Variants in SLC26A7 observed in about 807,000 individuals in gnomAD.
SLC26A7 encodes the protein anion exchange transporter.
SLC26A7 carries 59 observed loss-of-function variants against 82.5 expected under a neutral mutation model. The observed-to-expected ratio is 0.72, with a 90% CI of 0.58 to 0.89. The LOEUF (loss-of-function observed/expected upper bound fraction) is 0.89, where lower values mean the gene tolerates loss of function less well. Among genes scored for constraint, SLC26A7 ranks in the 40% least tolerant of loss-of-function variants. The pLI is 0.00. For synonymous variants in SLC26A7, 271 were observed against 274.3 expected, an observed-to-expected ratio of 0.99 and a Z score of 0.12; for missense variants, 820 against 793.0, an observed-to-expected ratio of 1.03 and a Z score of -0.41.
upstream of SLC26A7, among the ~76,000 whole-genome samples, chr8:91,245,552 A>T (rs1810533689): frequency 6.6e-6 from 1 of 152,086 alleles, no homozygotes; most frequent in Non-Finnish European, 1.5e-5. Flanking sequence ...CTTCTTAGAA[A>T]TGCTGTAGAT....
At chr8:91,252,608 C>A (rs1810689808) in intron 2 of SLC26A7, among the ~76,000 whole-genome samples, 1 of 152,042 alleles carries the variant, frequency 6.6e-6, no homozygotes. Flanking sequence ...CTGGCCTTCA[C>A]TAAAAGCATA....
chr8:91,368,936 A>C (rs1197875307), intron 14 of SLC26A7, among the ~76,000 whole-genome samples: 1 of 152,224 alleles, frequency 6.6e-6, no homozygotes, highest in Non-Finnish European at 1.5e-5. Context: ...TCAGGCTTAA[A>C]ATACATACGC....
In SLC26A7 at chr8:91,366,671, T is replaced by G. The variant is rs1481690859; in HGVS notation, c.1580T>G (p.Ile527Ser). 29 of 1,613,526 alleles carry G rather than the reference T, an allele frequency of 1.8e-5. No homozygotes were observed. The highest frequency in any genetic ancestry group is 2.5e-5 in the Non-Finnish European group (29 of 1,179,824). Reference protein sequence around the residue: ...KKFYTDLMNMIQKENACNQPL... With the variant: ...KKFYTDLMNMSQKENACNQPL... Reference sequence around the variant, plus strand: ...TTTTATACTGATTTAATGAACATGATCCAAAAGGAAAATGCCTGTAATCAG... The same window carrying G: ...TTTTATACTGATTTAATGAACATGAGCCAAAAGGAAAATGCCTGTAATCAG... Residue 527 changes from isoleucine (I) to serine (S), a missense_variant, in exon 14 of 19, where the codon ATC (isoleucine) becomes AGC (serine). Ile to Ser is a moderately radical substitution (Grantham distance 142). Coordinates refer to ENST00000276609, the MANE Select transcript of SLC26A7 (RefSeq NM_052832.4).
chr8:91,218,474 C>G (rs1465766702), intron 1 of SLC26A7, among the ~76,000 whole-genome samples: 1 of 152,126 alleles, frequency 6.6e-6, no homozygotes, highest in Non-Finnish European at 1.5e-5. Flanking sequence ...AGATTAATTT[C>G]CATGGCAACT....
In SLC26A7 at chr8:91,352,977, A is replaced by C; in HGVS notation, c.1295A>C (p.Asn432Thr). 1 of 1,608,178 alleles carries C rather than the reference A, an allele frequency of 6.2e-7. No individual in the cohort carries two copies. ...IQFRDLKKYW[N>T]VDKIDWGIWV... ...TTCCGAGATTTAAAAAAATATTGGA[A>C]TGTGGATAAAATCGATTGGGTAAGT... The change falls in exon 11 of 19, where the codon AAT becomes ACT. Residue 432 changes from asparagine (N) to threonine (T), a missense_variant. Coordinates refer to ENST00000276609, the MANE Select transcript of SLC26A7 (RefSeq NM_052832.4).
At chr8:91,362,782 A>G (rs1814085919) in intron 12 of SLC26A7, among the ~76,000 whole-genome samples, 1 of 152,114 alleles carries the variant, frequency 6.6e-6, no homozygotes, top group Non-Finnish European at 1.5e-5. Flanking sequence ...GAAAAGAGTT[A>G]GTAGCTAATG....
At chr8:91,210,300 C>T (rs1439936890) in intron 1 of SLC26A7, among the ~76,000 whole-genome samples, 1 of 152,110 alleles carries the variant, frequency 6.6e-6, no homozygotes, top group Non-Finnish European at 1.5e-5. Context: ...CCTGATACCA[C>T]CTTCTGTCTC....
rs1810181217 is a variant in SLC26A7 at position 91,222,920 on chromosome 8, CT to C, written c.-34+3918del. Among the ~76,000 whole-genome samples the C allele has an allele frequency of 1.3e-5, 2 of 152,110 alleles. 1 individual carries two copies. Among genetic ancestry groups the C allele is most frequent in the South Asian group, 4.1e-4 (2 of 4,832 alleles). On this transcript the variant is annotated intron_variant, in intron 2 of 5. Coordinates refer to the SLC26A7 transcript ENST00000522862. ...GTTTCAGAAGGAATGGTACCAGCTC[CT>C]TTGTATTTATGGTAGAATTCAGCTG... is the stretch of plus-strand genomic sequence containing the variant.
intron 9 of SLC26A7, among the ~76,000 whole-genome samples, chr8:91,350,809 G>T (rs1057233535): frequency 6.6e-6 from 1 of 152,028 alleles, no homozygotes; most frequent in African/African-American, 2.4e-5. Context: ...GTGGACATAT[G>T]TTTCATTTCT....
At chr8:91,297,019 T>G (rs150637226) in intron 4 of SLC26A7, among the ~76,000 whole-genome samples, 2 of 152,216 alleles carry the variant, frequency 1.3e-5, no homozygotes, top group Non-Finnish European at 2.9e-5. Flanking sequence ...AGGTTTTCCT[T>G]AATTTCTATT....
intron 2 of SLC26A7, among the ~76,000 whole-genome samples, chr8:91,261,839 GTTTC>G (rs947241454): frequency 6.6e-6 from 1 of 152,078 alleles, no homozygotes; most frequent in Non-Finnish European, 1.5e-5. Flanking sequence ...TCCAAGAGGA[GTTTC>G]TTTCTTTCTT....
chr8:91,360,755 A>G (rs1393240654), intron 11 of SLC26A7, among the ~76,000 whole-genome samples: 1 of 152,110 alleles, frequency 6.6e-6, no homozygotes, highest in Non-Finnish European at 1.5e-5. Flanking sequence ...GGCCCAGAGG[A>G]ATTAGACTTA....
At chr8:91,213,946 G>C (rs1490379620) in intron 1 of SLC26A7, among the ~76,000 whole-genome samples, 2 of 152,090 alleles carry the variant, frequency 1.3e-5, no homozygotes, top group African/African-American at 2.4e-5. Flanking sequence ...ATTAAGTAAG[G>C]GGTTTGAACT....
At chr8:91,362,890 G>T (rs1202568664) in intron 12 of SLC26A7, among the ~76,000 whole-genome samples, 1 of 151,844 alleles carries the variant, frequency 6.6e-6, no homozygotes, top group Admixed American at 6.6e-5. Flanking sequence ...ATAATTTATT[G>T]AGAAACACAC....
At chr8:91,214,109 G>A (rs1809991863) in intron 1 of SLC26A7, among the ~76,000 whole-genome samples, 1 of 152,124 alleles carries the variant, frequency 6.6e-6, no homozygotes, top group African/African-American at 2.4e-5. Flanking sequence ...GAAGATAAGA[G>A]GCTAGTTAGA....
At chr8:91,288,816 A>C (rs1247470947) in intron 2 of SLC26A7, among the ~76,000 whole-genome samples, 1 of 152,188 alleles carries the variant, frequency 6.6e-6, no homozygotes, top group Non-Finnish European at 1.5e-5. Context: ...CTAAAATTTT[A>C]GTGTGCCTGG....
At chr8:91,258,482 A>G (rs1021008163) in intron 2 of SLC26A7, among the ~76,000 whole-genome samples, 29 of 152,018 alleles carry the variant, frequency 1.9e-4, no homozygotes, top group African/African-American at 6.8e-4. Context: ...TATTCAATTA[A>G]CCAAGTTCTG....
At chr8:91,366,539 T>A in intron 13 of SLC26A7, 41 bp from the exon 14 acceptor site, 3 of 1,592,650 alleles carry the variant, frequency 1.9e-6, no homozygotes, top group Non-Finnish European at 2.6e-6. Flanking sequence ...TGGCTATAAT[T>A]TTCTATTTAG....
In SLC26A7 at chr8:91,352,565, A is replaced by G. The variant is rs377318986; in HGVS notation, c.1219-336A>G. Reference sequence around the variant, plus strand: ...TGATATACATATTTAATTTCATGCAACAAATACTTTTCAAACAAATGACCG... The same window carrying G: ...TGATATACATATTTAATTTCATGCAGCAAATACTTTTCAAACAAATGACCG... On this transcript the variant is annotated intron_variant, in intron 10 of 18. Coordinates refer to ENST00000276609, the MANE Select transcript of SLC26A7 (RefSeq NM_052832.4). 3.9e-4 allele frequency among the ~76,000 whole-genome samples: 59 copies of G among 152,276 alleles called. No homozygotes were observed. In the South Asian group the frequency reaches 0.011, roughly 29 times the overall value.
Sources: gnomAD v4.1 joint callset for allele counts (sites outside exome capture counted in the v4.1 genomes callset) on GRCh38, gnomAD v4.1.1 for gene constraint, MANE v1.5 for transcripts, NCBI Gene and HGNC (gene_info 2026-07-23, HGNC 2026-07-21) for gene names.